The following RMP64 variants were observed in gnomAD, a reference collection of about 807,000 sequenced individuals.
RMP64 encodes ribonuclease MRP subunit p64.
At chr3:113,013,112 T>C in the RMP64 span, 1 of 730,260 alleles carries the variant, frequency 1.4e-6, no homozygotes, top group East Asian at 2.7e-5. Flanking sequence ...AATGGCTGCA[T>C]CAGGCAATTC....
the RMP64 span, among the ~76,000 whole-genome samples, chr3:113,006,249 G>A: frequency 6.6e-6 from 1 of 152,076 alleles, no homozygotes; most frequent in Non-Finnish European, 1.5e-5. Context: ...AAGTACAGCC[G>A]CCTAGCAATT....
the RMP64 span, chr3:113,017,753 CTAAGTA>C: frequency 3.1e-6 from 2 of 643,824 alleles, no homozygotes; most frequent in South Asian, 2.6e-5. Context: ...CGTAAGGATT[CTAAGTA>C]TAAGAGAAGT....
the RMP64 span, among the ~76,000 whole-genome samples, chr3:113,018,795 C>T: frequency 6.6e-6 from 1 of 152,310 alleles, no homozygotes. Flanking sequence ...CCAAACAGCC[C>T]TATGAGGAAG....
the RMP64 span, among the ~76,000 whole-genome samples, chr3:113,010,121 A>G: frequency 6.6e-6 from 1 of 152,206 alleles, no homozygotes; most frequent in African/African-American, 2.4e-5. Flanking sequence ...TTCATGACAA[A>G]ATGATGAGGA....
chr3:113,019,129 T>A, the RMP64 span: 1 of 210,518 alleles, frequency 4.8e-6, no homozygotes, highest in African/African-American at 2.4e-5. Flanking sequence ...AGTGCTTAGG[T>A]GACGTCCACC....
the RMP64 span, chr3:113,010,628 T>C: frequency 1.2e-5 from 19 of 1,607,300 alleles, no homozygotes; most frequent in Admixed American, 3.3e-5. Context: ...CTAAATTTAA[T>C]GAAGCCAGAC....
At chr3:113,005,784 T>G in the RMP64 span, 1 of 1,613,720 alleles carries the variant, frequency 6.2e-7, no homozygotes, top group South Asian at 1.1e-5. Flanking sequence ...AGTCTCCACT[T>G]AGCACTGGTA....
chr3:113,019,420 C>T, the RMP64 span: 1 of 743,544 alleles, frequency 1.3e-6, no homozygotes. Context: ...ACGTGCCCCG[C>T]GCCCCTTCCC....
the RMP64 span, chr3:113,004,795 CT>C: frequency 6.6e-6 from 1 of 152,244 alleles, no homozygotes. Flanking sequence ...TTTCATTTTA[CT>C]TTCTCATCTA....
the RMP64 span, among the ~76,000 whole-genome samples, chr3:113,006,410 C>G: frequency 6.6e-6 from 1 of 152,304 alleles, no homozygotes; most frequent in South Asian, 2.1e-4. Context: ...TAATCAGCTT[C>G]ATGCTGTGGC....
chr3:113,012,637 T>C, the RMP64 span: 5 of 750,652 alleles, frequency 6.7e-6, no homozygotes, highest in African/African-American at 5.3e-5. Flanking sequence ...GCACCTTCCA[T>C]AACCCCATAA....
At chr3:113,012,191 A>G in the RMP64 span, among the ~76,000 whole-genome samples, 2 of 152,240 alleles carry the variant, frequency 1.3e-5, no homozygotes, top group Non-Finnish European at 2.9e-5. Flanking sequence ...AAATATGCTC[A>G]AAAAAGCAGT....
the RMP64 span, among the ~76,000 whole-genome samples, chr3:113,006,483 G>A: frequency 2.0e-4 from 30 of 152,170 alleles, no homozygotes; most frequent in Non-Finnish European, 3.4e-4. Flanking sequence ...TATGAAGACA[G>A]GGCTTCTGGC....
At chr3:113,012,171 T>A in the RMP64 span, among the ~76,000 whole-genome samples, 3 of 152,180 alleles carry the variant, frequency 2.0e-5, no homozygotes, top group Non-Finnish European at 4.4e-5. Flanking sequence ...ATTACCAGCA[T>A]ACATCAACTA....
the RMP64 span, chr3:113,006,021 G>A: frequency 4.5e-6 from 7 of 1,565,476 alleles, no homozygotes; most frequent in East Asian, 1.3e-4. Context: ...AAGACAGAGA[G>A]AGGAAAAATC....
the RMP64 span, chr3:113,017,382 G>GT: frequency 9.9e-6 from 13 of 1,309,488 alleles, no homozygotes; most frequent in Non-Finnish European, 1.2e-5. Context: ...TAGCAATATA[G>GT]TAAGTGGCAG....
the RMP64 span, chr3:113,005,994 T>G: frequency 4.4e-6 from 7 of 1,606,898 alleles, no homozygotes; most frequent in Middle Eastern, 3.3e-4. Flanking sequence ...CACTCTAGTT[T>G]CTTTGGCAAA....
At chr3:113,008,990 C>T in the RMP64 span, among the ~76,000 whole-genome samples, 2 of 152,232 alleles carry the variant, frequency 1.3e-5, no homozygotes, top group African/African-American at 4.8e-5. Flanking sequence ...CACTTATTTC[C>T]GTATCCTGGG....
the RMP64 span, chr3:113,019,635 C>T: frequency 6.2e-7 from 1 of 1,613,300 alleles, no homozygotes; most frequent in South Asian, 1.1e-5. Context: ...CCCGGCGGCA[C>T]CGCAGCCATC....
Sources: allele counts gnomAD v4.1 joint callset (sites outside exome capture counted in the v4.1 genomes callset), GRCh38; gene constraint gnomAD v4.1.1; transcripts MANE v1.5; gene names NCBI Gene and HGNC (gene_info 2026-07-23, HGNC 2026-07-21).